The following GREB1L variants were observed in gnomAD, a reference collection of about 807,000 sequenced individuals.
GREB1L encodes GREB1-like protein.
A neutral mutation model predicts 200.8 loss-of-function variants in GREB1L; 17 were observed. The ratio of observed to expected loss-of-function variants is 0.08; its 90% CI spans 0.06 to 0.13. GREB1L has a LOEUF of 0.13. Among genes scored for constraint, GREB1L ranks in the 10% least tolerant of loss-of-function variants. The probability of loss-of-function intolerance (pLI) is 1.00; values close to 1 mark genes in which losing one functional copy is unlikely to be tolerated. For synonymous variants in GREB1L, 789 were observed against 893.0 expected (o/e 0.88, Z 2.08); for missense variants, 1,657 against 2,367.7 (o/e 0.70, Z 6.23).
chr18:21,523,004 T>A lies in GREB1L; in HGVS notation c.*183T>A, dbSNP rs1404534672. On this transcript the variant is annotated 3_prime_UTR_variant, in exon 33 of 33. Coordinates refer to ENST00000424526, the MANE Select transcript of GREB1L (RefSeq NM_001142966.3). ...CTTTGGGGACATCACTTTCCTTCAG[T>A]TCCAATTACAGGACCCTTAAATTCA... 1.8e-6 allele frequency: 1 copy of A among 551,674 alleles called. No homozygotes were observed. The highest frequency in any genetic ancestry group is 1.9e-5 in the African/African-American group (1 of 52,506). 34.2% of individuals were successfully genotyped at this position (551,674 alleles called of 1,614,324 possible).
intron 1 of GREB1L, among the ~76,000 whole-genome samples, chr18:21,297,011 A>G (rs1483949882): frequency 1.3e-5 from 2 of 152,088 alleles, no homozygotes; most frequent in Non-Finnish European, 2.9e-5. Flanking sequence ...ACATGATTTT[A>G]GTGTACAGCC....
chr18:21,354,101 C>T (rs2143384167), intron 1 of GREB1L, among the ~76,000 whole-genome samples: 1 of 152,156 alleles, frequency 6.6e-6, no homozygotes, highest in East Asian at 1.9e-4. Flanking sequence ...TAAATTAATT[C>T]TTTCGTAATT....
chr18:21,460,981 C>T (rs1308738273), intron 15 of GREB1L, among the ~76,000 whole-genome samples: 1 of 151,476 alleles, frequency 6.6e-6, no homozygotes, highest in Non-Finnish European at 1.5e-5. Flanking sequence ...CCTGTAATCC[C>T]AGCTATTCAG....
At chr18:21,387,397 A>T (rs2040587532) in intron 4 of GREB1L, 1 of 152,254 alleles carries the variant, frequency 6.6e-6, no homozygotes, top group South Asian at 2.1e-4. Flanking sequence ...TAAAAAAATT[A>T]AAATCATTTG....
At chr18:21,442,472 G>A (rs2033951843) in intron 10 of GREB1L, among the ~76,000 whole-genome samples, 2 of 152,164 alleles carry the variant, frequency 1.3e-5, no homozygotes, top group Non-Finnish European at 2.9e-5. Flanking sequence ...GTATAGATTA[G>A]GAAGCTCTTT....
At chr18:21,285,351 C>G (rs1057041856) in intron 1 of GREB1L, among the ~76,000 whole-genome samples, 4 of 152,114 alleles carry the variant, frequency 2.6e-5, no homozygotes, top group African/African-American at 9.7e-5. Context: ...TTATGGTTTT[C>G]TTAGTGGAAA....
intron 1 of GREB1L, among the ~76,000 whole-genome samples, chr18:21,261,843 TC>T (rs1302178804): frequency 3.9e-5 from 6 of 152,138 alleles, no homozygotes; most frequent in Non-Finnish European, 7.4e-5. Context: ...TTTTGTTTAT[TC>T]TAAATACCTT....
intron 1 of GREB1L, among the ~76,000 whole-genome samples, chr18:21,327,775 C>T (rs1249293213): frequency 4.0e-5 from 6 of 151,738 alleles, no homozygotes; most frequent in South Asian, 2.1e-4. Context: ...GCAGTGGCTG[C>T]GATCTCGGCT....
chr18:21,254,807 C>G (rs1414123639), intron 1 of GREB1L, among the ~76,000 whole-genome samples: 1 of 152,114 alleles, frequency 6.6e-6, no homozygotes, highest in East Asian at 1.9e-4. Flanking sequence ...GACTCATACC[C>G]TCACACAGCT....
chr18:21,326,093 G>T (rs963460756), intron 1 of GREB1L, among the ~76,000 whole-genome samples: 1 of 152,056 alleles, frequency 6.6e-6, no homozygotes, highest in African/African-American at 2.4e-5. Flanking sequence ...GTTAATAAAT[G>T]ATGGTACTTT....
chr18:21,328,748 G>A (rs1292641712), intron 1 of GREB1L, among the ~76,000 whole-genome samples: 2 of 152,138 alleles, frequency 1.3e-5, no homozygotes, highest in African/African-American at 2.4e-5. Flanking sequence ...AACTGGGTGT[G>A]TCCACTTAGG....
At chr18:21,444,168 TG>T (rs984063763) in intron 10 of GREB1L, 55 bp from the exon 11 acceptor site, 7 of 1,293,526 alleles carry the variant, frequency 5.4e-6, no homozygotes, top group Non-Finnish European at 7.5e-6. Context: ...CAAGTGTACC[TG>T]GTTGGACCAT....
Position 21,449,773 on chromosome 18 carries a change from G to C in GREB1L, c.1657G>C (p.Asp553His). 6.4e-7 allele frequency: 1 copy of C among 1,550,804 alleles called. No homozygotes were observed. The highest frequency in any genetic ancestry group is 1.2e-5 in the South Asian group (1 of 83,810). Residue 553 changes from aspartate to histidine, a missense_variant, in exon 12 of 33, where the codon GAT becomes CAT. Physicochemically the swap from Asp to His is moderately conservative, Grantham distance 81. Coordinates refer to ENST00000424526, the MANE Select transcript of GREB1L (RefSeq NM_001142966.3). The stretch of plus-strand genomic sequence containing the variant: ...AATGAGACACTATCAAAGGCTGCCA[G>C]ATTATGTGGTGGTAATTTGTGCATC... ...SEMRHYQRLP[D>H]YVVVICASKI... is the part of the protein sequence containing the mutation.
chr18:21,408,747 T>C (rs1184812941), intron 7 of GREB1L, among the ~76,000 whole-genome samples: 4 of 150,178 alleles, frequency 2.7e-5, no homozygotes, highest in Non-Finnish European at 5.9e-5. Context: ...TGAGCCGAGA[T>C]TGCACCATTG....
chr18:21,493,825 C>T (rs1158153898), intron 19 of GREB1L, among the ~76,000 whole-genome samples: 4 of 115,512 alleles, frequency 3.5e-5, no homozygotes, highest in African/African-American at 3.3e-5. Flanking sequence ...AAGATTGCAC[C>T]ACTGTACTCC....
intron 4 of GREB1L, among the ~76,000 whole-genome samples, chr18:21,385,230 G>A (rs2040490062): frequency 6.6e-6 from 1 of 152,086 alleles, no homozygotes; most frequent in Admixed American, 6.6e-5. Flanking sequence ...TTTGGAGTGG[G>A]GGAAATGGGA....
At chr18:21,394,279 A>G (rs2040950836) in intron 4 of GREB1L, among the ~76,000 whole-genome samples, 1 of 152,202 alleles carries the variant, frequency 6.6e-6, no homozygotes, top group Non-Finnish European at 1.5e-5. Flanking sequence ...ATCAATTTGG[A>G]GTGTCACAAC....
chr18:21,429,013 C>T (rs111935796), intron 7 of GREB1L, among the ~76,000 whole-genome samples: 3,559 of 152,116 alleles, frequency 0.023, 155 homozygotes, highest in Admixed American at 0.11. Flanking sequence ...CCACCGTGCC[C>T]AGCCTATAAT....
chr18:21,395,129 A>C (rs2040999299), intron 4 of GREB1L, among the ~76,000 whole-genome samples: 1 of 151,204 alleles, frequency 6.6e-6, no homozygotes, highest in Admixed American at 6.6e-5. Context: ...AAAAGAAAAA[A>C]AAAAGAAAAA....
Sources: allele counts gnomAD v4.1 joint callset (sites outside exome capture counted in the v4.1 genomes callset), GRCh38; gene constraint gnomAD v4.1.1; transcripts MANE v1.5; gene names NCBI Gene and HGNC (gene_info 2026-07-23, HGNC 2026-07-21).